AFG2A: variants seen among roughly 807,000 people sequenced by gnomAD.
The protein encoded by AFG2A is ATPase family gene 2 protein homolog A.
At chr4:123,306,992 G>A in the AFG2A span, among the ~76,000 whole-genome samples, 7 of 152,172 alleles carry the variant, frequency 4.6e-5, no homozygotes, top group Non-Finnish European at 1.0e-4. Context: ...TGCCAAAGAA[G>A]TTAAGGAGCT....
the AFG2A span, among the ~76,000 whole-genome samples, chr4:123,160,362 A>G: frequency 6.6e-6 from 1 of 152,122 alleles, no homozygotes; most frequent in Non-Finnish European, 1.5e-5. Flanking sequence ...AGACAACACA[A>G]ATTACTGTGG....
chr4:123,264,983 C>A, the AFG2A span, among the ~76,000 whole-genome samples: 1 of 152,190 alleles, frequency 6.6e-6, no homozygotes, highest in East Asian at 1.9e-4. Flanking sequence ...ATCTTGGGAT[C>A]TTAGTCAATG....
chr4:123,174,158 A>G, the AFG2A span, among the ~76,000 whole-genome samples: 2 of 152,266 alleles, frequency 1.3e-5, no homozygotes, highest in Non-Finnish European at 2.9e-5. Context: ...CAAGCTATAT[A>G]CTTTGAGTAT....
At chr4:123,151,873 A>G in the AFG2A span, among the ~76,000 whole-genome samples, 1 of 152,140 alleles carries the variant, frequency 6.6e-6, no homozygotes, top group Non-Finnish European at 1.5e-5. Context: ...CTTGGAACCA[A>G]CCCATATGCC....
chr4:123,267,253 G>A, the AFG2A span, among the ~76,000 whole-genome samples: 1 of 151,996 alleles, frequency 6.6e-6, no homozygotes, highest in African/African-American at 2.4e-5. Context: ...TGACTAGAAA[G>A]AAAAGTAGAA....
the AFG2A span, among the ~76,000 whole-genome samples, chr4:123,093,446 G>T: frequency 1.3e-5 from 2 of 152,192 alleles, no homozygotes; most frequent in African/African-American, 4.8e-5. Flanking sequence ...TGGTTCTGGT[G>T]GCAGTGTCTT....
the AFG2A span, among the ~76,000 whole-genome samples, chr4:123,261,599 G>A: frequency 1.3e-5 from 2 of 152,056 alleles, no homozygotes; most frequent in South Asian, 4.2e-4. Context: ...TATCTAAGGG[G>A]CTCCTGGAAC....
chr4:123,053,199 T>A, the AFG2A span, among the ~76,000 whole-genome samples: 3 of 152,176 alleles, frequency 2.0e-5, no homozygotes, highest in Non-Finnish European at 4.4e-5. Flanking sequence ...CCAATCAAGT[T>A]GACAATTAAT....
At chr4:123,140,736 A>G in the AFG2A span, among the ~76,000 whole-genome samples, 1 of 152,158 alleles carries the variant, frequency 6.6e-6, no homozygotes, top group African/African-American at 2.4e-5. Flanking sequence ...TCTTAACATT[A>G]TATAACATTT....
chr4:123,177,364 T>C, the AFG2A span, among the ~76,000 whole-genome samples: 80 of 151,582 alleles, frequency 5.3e-4, no homozygotes, highest in African/African-American at 1.9e-3. Context: ...AGCTAATTTT[T>C]GTATTTTTAG....
At chr4:122,923,659 T>G in the AFG2A span, among the ~76,000 whole-genome samples, 1 of 152,208 alleles carries the variant, frequency 6.6e-6, no homozygotes, top group African/African-American at 2.4e-5. Flanking sequence ...CCTAAAAAAC[T>G]AAATAACCAA....
At chr4:122,963,271 A>G in the AFG2A span, among the ~76,000 whole-genome samples, 6 of 152,218 alleles carry the variant, frequency 3.9e-5, no homozygotes, top group Non-Finnish European at 8.8e-5. Flanking sequence ...CTAATACAGT[A>G]GAAAGGTCTT....
the AFG2A span, among the ~76,000 whole-genome samples, chr4:123,044,788 CT>C: frequency 6.6e-6 from 1 of 150,716 alleles, no homozygotes; most frequent in Admixed American, 6.6e-5. Flanking sequence ...TTTTGTCAAT[CT>C]TTTTTGTTTC....
At chr4:123,125,426 A>G in the AFG2A span, among the ~76,000 whole-genome samples, 15 of 152,304 alleles carry the variant, frequency 9.8e-5, no homozygotes, top group African/African-American at 3.4e-4. Flanking sequence ...CTACACTGTC[A>G]GAGAAGGACA....
At chr4:123,189,949 G>C in the AFG2A span, among the ~76,000 whole-genome samples, 1 of 150,396 alleles carries the variant, frequency 6.6e-6, no homozygotes, top group Non-Finnish European at 1.5e-5. Flanking sequence ...GGAACCACAG[G>C]CGTGCACCAC....
At chr4:123,020,934 C>G in the AFG2A span, among the ~76,000 whole-genome samples, 1 of 152,156 alleles carries the variant, frequency 6.6e-6, no homozygotes, top group Non-Finnish European at 1.5e-5. Context: ...TTGCCAAGTA[C>G]ATTTAATAAA....
the AFG2A span, among the ~76,000 whole-genome samples, chr4:123,035,726 T>TA: frequency 1.3e-5 from 2 of 151,770 alleles, no homozygotes; most frequent in East Asian, 3.9e-4. Flanking sequence ...AGCTGATATA[T>TA]AAAAAAAAGT....
the AFG2A span, among the ~76,000 whole-genome samples, chr4:123,148,310 A>T: frequency 6.6e-6 from 1 of 152,150 alleles, no homozygotes; most frequent in Admixed American, 6.5e-5. Flanking sequence ...AGAACTCCAC[A>T]TTTTGTTGAA....
At chr4:122,979,441 A>C in the AFG2A span, 1 of 1,560,092 alleles carries the variant, frequency 6.4e-7, no homozygotes, top group Non-Finnish European at 8.7e-7. Flanking sequence ...CTCTGAAAAA[A>C]ATTTAGAGTT....
Sources: allele counts gnomAD v4.1 joint callset (sites outside exome capture counted in the v4.1 genomes callset), GRCh38; gene constraint gnomAD v4.1.1; transcripts MANE v1.5; gene names NCBI Gene and HGNC (gene_info 2026-07-23, HGNC 2026-07-21).